The following DNAJB6 variants were observed in gnomAD, a reference collection of about 807,000 sequenced individuals.
DNAJB6 encodes dnaJ homolog subfamily B member 6.
Under a neutral mutation model 42.7 loss-of-function variants are expected in DNAJB6, and 16 were observed. That is an observed-to-expected ratio of 0.37 (90% CI 0.25 to 0.57). DNAJB6 has a LOEUF of 0.57. Ranked by LOEUF, DNAJB6 falls within the 20% of genes least tolerant of loss-of-function variation. The pLI, the probability that DNAJB6 is intolerant of heterozygous loss-of-function variation, is 0.74. For missense variants in DNAJB6, 347 were observed against 416.8 expected (o/e 0.83, Z 1.46); for synonymous variants, 170 against 163.5 (o/e 1.04, Z -0.30).
chr7:157,339,514 A>G (rs1798233927), intron 1 of DNAJB6, among the ~76,000 whole-genome samples: 1 of 150,596 alleles, frequency 6.6e-6, no homozygotes, highest in East Asian at 1.9e-4. Context: ...GTTAGCCAGG[A>G]TGGTCTTGAT....
chr7:157,401,821 C>T (rs1198245710), intron 8 of DNAJB6, among the ~76,000 whole-genome samples: 2 of 152,182 alleles, frequency 1.3e-5, no homozygotes, highest in Non-Finnish European at 1.5e-5. Context: ...CAGCAGCGGC[C>T]CTCCTGCCGC....
At chr7:157,376,773 T>A (rs1307555473) in intron 5 of DNAJB6, among the ~76,000 whole-genome samples, 2 of 152,020 alleles carry the variant, frequency 1.3e-5, no homozygotes, top group Non-Finnish European at 2.9e-5. Context: ...CCCAGCTACT[T>A]GGGAGGCTGA....
At chr7:157,343,240 G>A (rs373335052) in intron 1 of DNAJB6, among the ~76,000 whole-genome samples, 235 of 151,218 alleles carry the variant, frequency 1.6e-3, no homozygotes, top group Middle Eastern at 3.4e-3. Context: ...GGCTCACTGC[G>A]CCTGCACCTC....
chr7:157,412,823 A>T (rs920717995), intron 9 of DNAJB6: 15 of 152,282 alleles, frequency 9.9e-5, no homozygotes, highest in African/African-American at 3.6e-4. Context: ...ACAGGGTCAC[A>T]GCCAGGTGTG....
In DNAJB6 at chr7:157,355,845, T is replaced by C. The variant is rs1264033867; in HGVS notation, c.-26-2702T>C. Among the ~76,000 whole-genome samples the C allele has an allele frequency of 2.6e-5, 4 of 152,202 alleles. No homozygotes were observed. In the East Asian group the frequency reaches 5.8e-4, roughly 22 times the overall value. On this transcript the variant is annotated intron_variant, in intron 1 of 9. Transcript: ENST00000262177. ...GCTGTTAGTGGATGCTGCACGTACA[T>C]GACAGAGCAGGCTTTCAGTGAGAGT... is the stretch of plus-strand genomic sequence containing the variant.
intron 5 of DNAJB6, 96 bp from the exon 6 acceptor site, chr7:157,382,150 A>T: frequency 7.2e-7 from 1 of 1,382,118 alleles, no homozygotes; most frequent in Non-Finnish European, 9.7e-7. Context: ...GTTCCTGAAT[A>T]TGTTACAAAC....
At position 157,417,028 on chromosome 7, in the gene DNAJB6, A is replaced by C. The variant is rs1796121408; in HGVS notation, c.*930A>C. The C allele has an allele frequency of 6.6e-6, 1 of 152,186 alleles. No individual in the cohort carries two copies. Among genetic ancestry groups the C allele is most frequent in the South Asian group, 2.1e-4 (1 of 4,822 alleles). 9.4% of individuals were successfully genotyped at this position (152,186 alleles called of 1,614,324 possible). A position where few individuals can be genotyped will look rare whatever the true frequency, so the allele number is the denominator to read the frequency against. On this transcript the variant is annotated 3_prime_UTR_variant, in exon 10 of 10. Coordinates refer to ENST00000262177, the MANE Select transcript of DNAJB6 (RefSeq NM_058246.4). ...TTTGTTTTTATTGAGCACGGAGTAG[A>C]ATTCCAGGGCTGCCTTGACTTCTTC...
intron 2 of DNAJB6, among the ~76,000 whole-genome samples, chr7:157,360,853 G>T (rs1370255686): frequency 6.6e-6 from 1 of 152,134 alleles, no homozygotes; most frequent in East Asian, 1.9e-4. Context: ...TCCTTCCTTG[G>T]TGCTGAAGTA....
intron 8 of DNAJB6, among the ~76,000 whole-genome samples, chr7:157,391,964 T>C (rs1390488311): frequency 6.6e-6 from 1 of 151,736 alleles, no homozygotes; most frequent in African/African-American, 2.4e-5. Context: ...TTAGCTGGGC[T>C]TGGTGGCGTG....
chr7:157,395,048 C>T (rs1364797519), intron 8 of DNAJB6, among the ~76,000 whole-genome samples: 1 of 152,052 alleles, frequency 6.6e-6, no homozygotes, highest in African/African-American at 2.4e-5. Flanking sequence ...GCCAGGATTG[C>T]ACCACTCGGC....
rs1411796166 is a variant in DNAJB6, at chr7:157,413,695, G to A, written c.899-2321G>A. On this transcript the variant is annotated intron_variant, in intron 9 of 9. Transcript: ENST00000262177. ...TTCAGGTGACAGGAAGGCCTGCTCTGTTTTTCTCACTTCAATTTTGGACTT... is the reference window on the plus strand; with the variant it reads ...TTCAGGTGACAGGAAGGCCTGCTCTATTTTTCTCACTTCAATTTTGGACTT... 2.5e-5 allele frequency: 3 copies of A among 121,970 alleles called. 1 individual carries two copies. In the Admixed American group the frequency reaches 2.5e-4, roughly 10 times the overall value. 7.6% of individuals were successfully genotyped at this position (121,970 alleles called of 1,614,324 possible).
chr7:157,415,029 C>T (rs1258299909), intron 9 of DNAJB6: 6 of 152,310 alleles, frequency 3.9e-5, no homozygotes, highest in African/African-American at 1.4e-4. Flanking sequence ...TGTGAGCAGG[C>T]ACCTTCCTGT....
At chr7:157,370,078 CCTT>C (rs1178382277) in intron 5 of DNAJB6, among the ~76,000 whole-genome samples, 13 of 148,016 alleles carry the variant, frequency 8.8e-5, no homozygotes, top group Admixed American at 8.0e-4. Flanking sequence ...TAAACGGGCC[CCTT>C]CTTAACATTA....
At chr7:157,377,856 C>T (rs985595399) in intron 5 of DNAJB6, among the ~76,000 whole-genome samples, 8 of 152,176 alleles carry the variant, frequency 5.3e-5, no homozygotes, top group Non-Finnish European at 8.8e-5. Flanking sequence ...AGGGCTTAAT[C>T]GTCAAGTGAG....
intron 5 of DNAJB6, chr7:157,380,842 T>G (rs1040648981): frequency 6.6e-6 from 1 of 152,448 alleles, no homozygotes; most frequent in African/African-American, 2.4e-5. Flanking sequence ...CCCTCCCTGC[T>G]CTGCGGAAGC....
intron 5 of DNAJB6, among the ~76,000 whole-genome samples, chr7:157,368,307 C>T (rs1025152151): frequency 4.6e-5 from 7 of 152,166 alleles, no homozygotes; most frequent in Non-Finnish European, 8.8e-5. Context: ...GTCTTGGAAA[C>T]GTTGTTTCCC....
intron 8 of DNAJB6, among the ~76,000 whole-genome samples, chr7:157,395,109 C>G (rs1404006998): frequency 8.4e-6 from 1 of 119,566 alleles, no homozygotes; most frequent in Non-Finnish European, 1.8e-5. Flanking sequence ...CGCCCCCCCA[C>G]CTCCCAAAAA....
At chr7:157,364,918 C>A (rs965192012) in intron 3 of DNAJB6, among the ~76,000 whole-genome samples, 2 of 152,168 alleles carry the variant, frequency 1.3e-5, no homozygotes, top group Non-Finnish European at 2.9e-5. Context: ...TGTTTCTAAG[C>A]TCGTTTTCCC....
chr7:157,339,587 C>T (rs1361200685), intron 1 of DNAJB6, among the ~76,000 whole-genome samples: 2 of 149,784 alleles, frequency 1.3e-5, no homozygotes, highest in Non-Finnish European at 3.0e-5. Context: ...GCATGAGCCA[C>T]CGCGCCCGGC....
Sources: gnomAD v4.1 joint callset for allele counts (sites outside exome capture counted in the v4.1 genomes callset) on GRCh38, gnomAD v4.1.1 for gene constraint, MANE v1.5 for transcripts, NCBI Gene and HGNC (gene_info 2026-07-23, HGNC 2026-07-21) for gene names.